The following ATF2 variants were observed in gnomAD, a reference collection of about 807,000 sequenced individuals.
The protein encoded by ATF2 is activating transcription factor 2, also known as cyclic AMP-dependent transcription factor ATF-2.
Under a neutral mutation model 60.6 loss-of-function variants are expected in ATF2, and 24 were observed. That is an observed-to-expected ratio of 0.40 (90% CI 0.29 to 0.56). The LOEUF is 0.56. ATF2 is among the 20% of genes least tolerant of loss of function. The pLI, the probability that ATF2 is intolerant of heterozygous loss-of-function variation, is 0.54. For synonymous variants in ATF2, 206 were observed against 215.4 expected, an observed-to-expected ratio of 0.96 and a Z score of 0.38; for missense variants, 433 against 607.7, an observed-to-expected ratio of 0.71 and a Z score of 3.02.
chr2:175,152,601 T>A (rs1015169994), intron 1 of ATF2, among the ~76,000 whole-genome samples: 3 of 152,224 alleles, frequency 2.0e-5, no homozygotes, highest in African/African-American at 7.2e-5. Context: ...GATTTCCCTA[T>A]TGTGCAGAAT....
chr2:175,114,963 G>C, intron 7 of ATF2, 95 bp from the exon 8 acceptor site: 4 of 1,174,520 alleles, frequency 3.4e-6, no homozygotes, highest in Non-Finnish European at 4.6e-6. Flanking sequence ...AGCATCTACA[G>C]AATAATAACT....
At chr2:175,125,922 C>G (rs1476764934) in intron 4 of ATF2, among the ~76,000 whole-genome samples, 1 of 152,102 alleles carries the variant, frequency 6.6e-6, no homozygotes, top group Non-Finnish European at 1.5e-5. Flanking sequence ...CTGTGATATT[C>G]CCACCTTAAA....
At chr2:175,162,227 C>A (rs866706219) in intron 1 of ATF2, among the ~76,000 whole-genome samples, 1 of 152,228 alleles carries the variant, frequency 6.6e-6, no homozygotes, top group Admixed American at 6.5e-5. Flanking sequence ...ATATTTGTCA[C>A]ATCACATAGA....
chr2:175,151,020 GAA>G (rs2105811677), intron 2 of ATF2, 38 bp downstream of exon 2: 1 of 152,608 alleles, frequency 6.6e-6, no homozygotes, highest in East Asian at 1.9e-4. Flanking sequence ...ATCACAAAAT[GAA>G]AAGAATACTT....
intron 2 of ATF2, among the ~76,000 whole-genome samples, chr2:175,140,615 T>C (rs989453619): frequency 6.6e-6 from 1 of 152,024 alleles, no homozygotes; most frequent in African/African-American, 2.4e-5. Context: ...GCTGTATACT[T>C]TGAATATGTA....
intron 10 of ATF2, among the ~76,000 whole-genome samples, chr2:175,109,705 G>A (rs1475228802): frequency 6.6e-6 from 1 of 152,120 alleles, no homozygotes; most frequent in Non-Finnish European, 1.5e-5. Flanking sequence ...ATCTATATCT[G>A]CTCTATTCAG....
intron 1 of ATF2, among the ~76,000 whole-genome samples, chr2:175,162,865 G>A (rs930040084): frequency 6.6e-6 from 1 of 152,166 alleles, no homozygotes; most frequent in African/African-American, 2.4e-5. Context: ...TGGGTGCAGT[G>A]GCTCATGCCT....
chr2:175,078,839 T>C (rs903611763), intron 13 of ATF2, among the ~76,000 whole-genome samples: 1 of 152,170 alleles, frequency 6.6e-6, no homozygotes, highest in Non-Finnish European at 1.5e-5. Context: ...ATTTCAAAGA[T>C]TTCAAACTTG....
chr2:175,074,220 C>T lies in ATF2; in HGVS notation c.*389G>A, dbSNP rs1315177645. 2.4e-5 allele frequency: 4 copies of T among 164,270 alleles called. No individual in the cohort carries two copies. The highest frequency in any genetic ancestry group is 5.3e-5 in the Non-Finnish European group (4 of 75,164). 10.2% of individuals were successfully genotyped at this position (164,270 alleles called of 1,614,324 possible). On this transcript the variant is annotated 3_prime_UTR_variant, in exon 14 of 14. Transcript: ENST00000264110. Reference sequence around the variant, plus strand: ...AACTTTGGTATAAATGATAATACTACTACCGTCACAGTTGAGGGTTAAGGG... The same window carrying T: ...AACTTTGGTATAAATGATAATACTATTACCGTCACAGTTGAGGGTTAAGGG...
intron 1 of ATF2, among the ~76,000 whole-genome samples, chr2:175,163,209 A>G (rs892664678): frequency 6.6e-6 from 1 of 151,906 alleles, no homozygotes; most frequent in Admixed American, 6.6e-5. Flanking sequence ...TAGCCCGAAC[A>G]GTAAAATTAG....
intron 13 of ATF2, among the ~76,000 whole-genome samples, chr2:175,079,335 AAG>A (rs1302282665): frequency 1.3e-5 from 2 of 152,178 alleles, no homozygotes; most frequent in African/African-American, 4.8e-5. Context: ...ATGAAAATCC[AAG>A]AGAGATTTCT....
intron 11 of ATF2, among the ~76,000 whole-genome samples, chr2:175,095,539 C>T (rs1023122589): frequency 2.6e-5 from 4 of 152,200 alleles, no homozygotes; most frequent in Non-Finnish European, 4.4e-5. Context: ...ATTTCTGCTA[C>T]TCAGAGTTAC....
intron 7 of ATF2, 98 bp downstream of exon 7, chr2:175,117,892 A>G: frequency 7.6e-7 from 1 of 1,311,540 alleles, no homozygotes; most frequent in Admixed American, 2.6e-5. Flanking sequence ...GCAAGCTGAC[A>G]CTGAATTTAA....
At chr2:175,095,272 T>C (rs971451559) in intron 11 of ATF2, among the ~76,000 whole-genome samples, 1 of 152,048 alleles carries the variant, frequency 6.6e-6, no homozygotes, top group African/African-American at 2.4e-5. Context: ...TTAATTTTTG[T>C]ATTTTTAGTA....
intron 10 of ATF2, among the ~76,000 whole-genome samples, chr2:175,109,198 G>C (rs1695998441): frequency 7.6e-6 from 1 of 132,280 alleles, no homozygotes; most frequent in Non-Finnish European, 1.6e-5. Context: ...AAAAAAGACT[G>C]TGTATGGTAG....
At chr2:175,146,829 C>T (rs1698990684) in intron 2 of ATF2, among the ~76,000 whole-genome samples, 1 of 152,128 alleles carries the variant, frequency 6.6e-6, no homozygotes, top group Non-Finnish European at 1.5e-5. Flanking sequence ...GGGCTCAGTA[C>T]TATCTACAGT....
intron 5 of ATF2, among the ~76,000 whole-genome samples, chr2:175,120,733 T>C (rs1021949921): frequency 2.0e-5 from 3 of 151,604 alleles, no homozygotes; most frequent in African/African-American, 7.3e-5. Context: ...TTATAAAATA[T>C]ACAAAAAAGT....
chr2:175,138,270 A>G (rs1053526973), intron 2 of ATF2, among the ~76,000 whole-genome samples: 2 of 152,186 alleles, frequency 1.3e-5, no homozygotes, highest in South Asian at 4.1e-4. Flanking sequence ...TGTACTTGGC[A>G]TGAGTACTTC....
intron 10 of ATF2, among the ~76,000 whole-genome samples, chr2:175,102,749 CAA>C (rs1270754074): frequency 1.6e-5 from 2 of 127,990 alleles, no homozygotes; most frequent in African/African-American, 2.9e-5. Flanking sequence ...GACCCTGACT[CAA>C]AAAAAAGAGG....
Sources: gnomAD v4.1 joint callset for allele counts (sites outside exome capture counted in the v4.1 genomes callset) on GRCh38, gnomAD v4.1.1 for gene constraint, MANE v1.5 for transcripts, NCBI Gene and HGNC (gene_info 2026-07-23, HGNC 2026-07-21) for gene names.